Variants in ERC2 observed in about 807,000 individuals in gnomAD.
The protein encoded by ERC2 is ERC protein 2.
A neutral mutation model predicts 114.8 loss-of-function variants in ERC2; 42 were observed. The observed-to-expected ratio is 0.37, with a 90% CI of 0.29 to 0.47. The LOEUF is 0.47. ERC2 is among the 20% of genes least tolerant of loss of function. ERC2 has a pLI of 0.99. For synonymous variants in ERC2, 454 were observed against 425.5 expected, an observed-to-expected ratio of 1.07 and a Z score of -0.82; for missense variants, 939 against 1,150.7, an observed-to-expected ratio of 0.82 and a Z score of 2.66.
At chr3:55,896,202 G>T (rs1218727023) in intron 13 of ERC2, among the ~76,000 whole-genome samples, 2 of 152,202 alleles carry the variant, frequency 1.3e-5, no homozygotes, top group African/African-American at 2.4e-5. Flanking sequence ...GTCTTCAGAA[G>T]GGTTTCCACA....
intron 14 of ERC2, among the ~76,000 whole-genome samples, chr3:55,864,580 A>G (rs550151544): frequency 6.6e-6 from 1 of 152,282 alleles, no homozygotes; most frequent in African/African-American, 2.4e-5. Context: ...TGCAGTTTCT[A>G]TAAGTCTGAC....
At chr3:55,595,982 G>A (rs2058107263) in intron 17 of ERC2, among the ~76,000 whole-genome samples, 1 of 152,188 alleles carries the variant, frequency 6.6e-6, no homozygotes, top group Non-Finnish European at 1.5e-5. Context: ...GGGGAGTGAG[G>A]ATACTAGAGA....
At chr3:55,883,916 CAACAACAA>C (rs1559812942) in intron 14 of ERC2, among the ~76,000 whole-genome samples, 4 of 151,918 alleles carry the variant, frequency 2.6e-5, no homozygotes, top group African/African-American at 4.8e-5. Context: ...ACAACAACAA[CAACAACAA>C]CAACACCACA....
intron 13 of ERC2, among the ~76,000 whole-genome samples, chr3:55,926,715 C>A (rs1343116264): frequency 4.6e-5 from 7 of 152,114 alleles, no homozygotes; most frequent in Non-Finnish European, 1.0e-4. Context: ...ATCATGGCCT[C>A]TTCCTGCCAG....
At position 55,921,725 on chromosome 3, in the gene ERC2, T is replaced by C. The variant is rs148682492; in HGVS notation, c.2403+28700A>G. 1.8e-3 allele frequency among the ~76,000 whole-genome samples: 278 copies of C among 152,270 alleles called. 2 individuals carry two copies. Among genetic ancestry groups the C allele is most frequent in the Middle Eastern group, 3.4e-3 (1 of 294 alleles). ...ATAGGAGATTTAAATATGAATGTAG[T>C]CCATATATGGAGAGTATTAATTCTT... On this transcript the variant is annotated intron_variant, in intron 13 of 17. Coordinates refer to ENST00000288221, the MANE Select transcript of ERC2 (RefSeq NM_015576.3).
chr3:56,376,164 A>C (rs1274024191), intron 2 of ERC2, among the ~76,000 whole-genome samples: 1 of 152,166 alleles, frequency 6.6e-6, no homozygotes, highest in Non-Finnish European at 1.5e-5. Flanking sequence ...GGCCCACAGA[A>C]ACTGTGAGAT....
intron 7 of ERC2, among the ~76,000 whole-genome samples, chr3:56,026,956 C>T (rs557692191): frequency 3.3e-5 from 5 of 152,228 alleles, no homozygotes; most frequent in Non-Finnish European, 7.3e-5. Flanking sequence ...TATAGCTGCA[C>T]ACAAATCCCT....
At chr3:55,570,977 T>A (rs1490592165) in intron 17 of ERC2, among the ~76,000 whole-genome samples, 1 of 151,806 alleles carries the variant, frequency 6.6e-6, no homozygotes, top group East Asian at 1.9e-4. Flanking sequence ...AAGATAAAAA[T>A]TAGCTGGGCA....
At chr3:56,391,826 A>G (rs139090012) in intron 2 of ERC2, among the ~76,000 whole-genome samples, 301 of 152,324 alleles carry the variant, frequency 2.0e-3, no homozygotes, top group African/African-American at 4.3e-3. Flanking sequence ...TTATTTGCCA[A>G]ATTAATTACA....
chr3:56,368,343 T>C (rs1159813346), intron 2 of ERC2, among the ~76,000 whole-genome samples: 1 of 152,112 alleles, frequency 6.6e-6, no homozygotes, highest in Non-Finnish European at 1.5e-5. Context: ...AGCTCTTAAT[T>C]GGGAAAACAT....
chr3:55,548,293 A>G (rs1190340993), intron 17 of ERC2, among the ~76,000 whole-genome samples: 1 of 152,252 alleles, frequency 6.6e-6, no homozygotes. Flanking sequence ...TCGTCTCCCA[A>G]CGATACATTA....
intron 3 of ERC2, among the ~76,000 whole-genome samples, chr3:56,205,122 C>T (rs2048643704): frequency 6.6e-6 from 1 of 152,130 alleles, no homozygotes; most frequent in Non-Finnish European, 1.5e-5. Context: ...GGACAAAAAG[C>T]AGACCCAGTC....
At chr3:56,201,392 C>T (rs1264683026) in intron 3 of ERC2, among the ~76,000 whole-genome samples, 2 of 152,246 alleles carry the variant, frequency 1.3e-5, no homozygotes, top group Non-Finnish European at 2.9e-5. Flanking sequence ...GGTCAGTTCA[C>T]TCTTCTCAGA....
chr3:55,844,775 A>T (rs1040694443), intron 14 of ERC2, among the ~76,000 whole-genome samples: 1 of 152,268 alleles, frequency 6.6e-6, no homozygotes, highest in Non-Finnish European at 1.5e-5. Context: ...AAAGATTGCT[A>T]CTACCCTTCA....
chr3:55,950,374 G>C (rs931930475), intron 13 of ERC2, 51 bp downstream of exon 13: 31 of 1,601,346 alleles, frequency 1.9e-5, no homozygotes, highest in South Asian at 1.8e-4. Flanking sequence ...ACATTTCTGA[G>C]AGAGTCCATC....
chr3:56,032,909 A>AAGAAAGAGAGAGAGAGAGAC (rs2074474705), intron 7 of ERC2, among the ~76,000 whole-genome samples: 5 of 56,916 alleles, frequency 8.8e-5, no homozygotes, highest in East Asian at 4.1e-4. Flanking sequence ...GACAGAAAGA[A>AAGAAAGAGAGAGAGAGAGAC]AGAAAGAAAG....
intron 15 of ERC2, among the ~76,000 whole-genome samples, chr3:55,712,628 T>C (rs1332419284): frequency 2.0e-5 from 3 of 152,166 alleles, no homozygotes; most frequent in Admixed American, 2.0e-4. Context: ...GGTGGTCCAG[T>C]CTTCATTCCT....
chr3:55,954,464 T>C (rs2067806532), intron 12 of ERC2, among the ~76,000 whole-genome samples: 1 of 152,218 alleles, frequency 6.6e-6, no homozygotes, highest in Non-Finnish European at 1.5e-5. Context: ...TTCTCTAACT[T>C]GCTGGTGAGA....
chr3:55,657,205 G>GT (rs761222323), intron 17 of ERC2: 3,586 of 143,942 alleles, frequency 0.025, 114 homozygotes, highest in African/African-American at 0.077. Context: ...TTTTCATTTT[G>GT]TTTTTTTTTT....
Sources: allele counts gnomAD v4.1 joint callset (sites outside exome capture counted in the v4.1 genomes callset), GRCh38; gene constraint gnomAD v4.1.1; transcripts MANE v1.5; gene names NCBI Gene and HGNC (gene_info 2026-07-23, HGNC 2026-07-21).